Variants in TRHDE observed in about 807,000 individuals in gnomAD.
The protein encoded by TRHDE is thyrotropin releasing hormone degrading enzyme, also known as thyrotropin-releasing hormone-degrading ectoenzyme.
In TRHDE, 72 loss-of-function variants were observed where a neutral mutation model predicts 125.7. The observed-to-expected ratio is 0.57, with a 90% CI of 0.47 to 0.70. The LOEUF is 0.70. Among genes scored for constraint, TRHDE ranks in the 30% least tolerant of loss-of-function variants. TRHDE has a pLI of 0.00. For missense variants in TRHDE, 1,110 were observed against 1,327.1 expected (o/e 0.84, Z 2.54); for synonymous variants, 509 against 509.1 (o/e 1.00, Z 0.00).
intron 2 of TRHDE, among the ~76,000 whole-genome samples, chr12:72,135,597 G>C (rs1261764425): frequency 6.6e-6 from 1 of 151,562 alleles, no homozygotes; most frequent in Non-Finnish European, 1.5e-5. Context: ...AAAGGACTAG[G>C]GAAAAATGTA....
At chr12:72,443,939 G>A (rs903693667) in intron 3 of TRHDE, among the ~76,000 whole-genome samples, 4 of 151,804 alleles carry the variant, frequency 2.6e-5, no homozygotes, top group African/African-American at 7.2e-5. Context: ...TAAAGATTGT[G>A]TAATTCATCA....
At chr12:72,172,329 A>G (rs1187064191) in intron 2 of TRHDE, among the ~76,000 whole-genome samples, 1 of 152,236 alleles carries the variant, frequency 6.6e-6, no homozygotes, top group Non-Finnish European at 1.5e-5. Context: ...CATGCCAGAT[A>G]CAATTCTAAG....
At chr12:72,582,624 T>G (rs758825911) in intron 12 of TRHDE, 28 of 985,184 alleles carry the variant, frequency 2.8e-5, no homozygotes, top group Non-Finnish European at 3.4e-5. Flanking sequence ...TAGCAGTTTT[T>G]CCTGCTTTGA....
At chr12:72,287,970 A>G (rs905845502) in intron 2 of TRHDE, among the ~76,000 whole-genome samples, 5 of 151,752 alleles carry the variant, frequency 3.3e-5, no homozygotes, top group African/African-American at 1.2e-4. Flanking sequence ...TCAAATGAGT[A>G]AAGTAAATTG....
At chr12:72,402,616 G>A (rs1873090744) in intron 3 of TRHDE, among the ~76,000 whole-genome samples, 1 of 152,172 alleles carries the variant, frequency 6.6e-6, no homozygotes, top group African/African-American at 2.4e-5. Context: ...ATCATCTTAA[G>A]TTGATCCTGT....
intron 2 of TRHDE, among the ~76,000 whole-genome samples, chr12:72,318,729 C>A (rs1349502751): frequency 1.3e-5 from 2 of 151,314 alleles, no homozygotes; most frequent in East Asian, 3.9e-4. Flanking sequence ...TTTTTTTGTG[C>A]CTTAATATCC....
chr12:72,609,599 C>G (rs1872565869), intron 12 of TRHDE, among the ~76,000 whole-genome samples: 1 of 152,142 alleles, frequency 6.6e-6, no homozygotes, highest in Non-Finnish European at 1.5e-5. Context: ...TTTCAAACTT[C>G]AACCTCCTCC....
intron 3 of TRHDE, among the ~76,000 whole-genome samples, chr12:72,408,615 C>T (rs74103309): frequency 0.03 from 4,610 of 151,998 alleles, 144 homozygotes; most frequent in Admixed American, 0.098. Flanking sequence ...ATGATTATAG[C>T]CACAAGTTAT....
intron 3 of TRHDE, among the ~76,000 whole-genome samples, chr12:72,458,698 T>C (rs1416789325): frequency 1.3e-5 from 2 of 152,144 alleles, no homozygotes; most frequent in Non-Finnish European, 2.9e-5. Flanking sequence ...TTCAGTCATA[T>C]TGATCTAGTT....
At chr12:72,303,821 G>T (rs1171066506) in intron 2 of TRHDE, among the ~76,000 whole-genome samples, 1 of 152,168 alleles carries the variant, frequency 6.6e-6, no homozygotes, top group East Asian at 1.9e-4. Context: ...ACATGGCCAT[G>T]TGTCAAGCCA....
Position 72,663,395 on chromosome 12 carries a change from ACT to A in TRHDE, c.*201_*202del. 1 of 411,420 alleles carries A rather than the reference ACT, an allele frequency of 2.4e-6. No homozygotes were observed. Among genetic ancestry groups the A allele is most frequent in the Non-Finnish European group, 4.3e-6 (1 of 233,184 alleles). 25.5% of individuals were successfully genotyped at this position (411,420 alleles called of 1,614,324 possible). A position where few individuals can be genotyped will look rare whatever the true frequency, so the allele number is the denominator to read the frequency against. On this transcript the variant is annotated 3_prime_UTR_variant, in exon 19 of 19. Transcript: ENST00000261180. Reference sequence around the variant, plus strand: ...TTCATTCATTCTGTTCTGTTTCTCTACTGGGTGTTCCTCTCTAAAGAAACTCT... The same window carrying A: ...TTCATTCATTCTGTTCTGTTTCTCTAGGGTGTTCCTCTCTAAAGAAACTCT...
At chr12:72,528,632 G>A (rs915671333) in intron 6 of TRHDE, among the ~76,000 whole-genome samples, 2 of 152,034 alleles carry the variant, frequency 1.3e-5, no homozygotes, top group African/African-American at 4.8e-5. Flanking sequence ...AGGATTATAG[G>A]AGTGTACCAC....
chr12:72,543,758 T>C (rs1009160152), intron 7 of TRHDE, among the ~76,000 whole-genome samples: 5 of 150,122 alleles, frequency 3.3e-5, no homozygotes, highest in Non-Finnish European at 7.4e-5. Context: ...ATTGAATAAC[T>C]ACAGTTATAT....
At chr12:72,208,528 G>C (rs1877714293) in intron 2 of TRHDE, among the ~76,000 whole-genome samples, 1 of 152,164 alleles carries the variant, frequency 6.6e-6, no homozygotes, top group Non-Finnish European at 1.5e-5. Flanking sequence ...GTGGCAAACT[G>C]TTGTGCTTAG....
chr12:72,352,462 G>A (rs1261709121), intron 2 of TRHDE, among the ~76,000 whole-genome samples: 1 of 151,684 alleles, frequency 6.6e-6, no homozygotes, highest in African/African-American at 2.4e-5. Context: ...GCCTGGCTGT[G>A]ATACCCACTT....
upstream of TRHDE, among the ~76,000 whole-genome samples, chr12:72,269,046 A>T (rs2139400251): frequency 6.6e-6 from 1 of 152,196 alleles, no homozygotes; most frequent in South Asian, 2.1e-4. Context: ...ATAACACTGA[A>T]AGCAACCTTA....
In TRHDE at chr12:72,499,457, T is replaced by C. The variant is rs756348674; in HGVS notation, c.1585-41T>C. On this transcript the variant is annotated intron_variant, in intron 5 of 18. Transcript: ENST00000261180. ...ATGTCATCATATACATATGTCTAAC[T>C]ATGAATCACCTATGATATTGCCCCG... The C allele has an allele frequency of 1.9e-6, 3 of 1,602,924 alleles. No individual in the cohort carries two copies. In the East Asian group the frequency reaches 6.7e-5, roughly 36 times the overall value.
At chr12:72,365,047 A>T (rs1189525369) in intron 2 of TRHDE, among the ~76,000 whole-genome samples, 3 of 152,098 alleles carry the variant, frequency 2.0e-5, no homozygotes, top group African/African-American at 7.2e-5. Flanking sequence ...GACAGGATTA[A>T]CCAACTTTTT....
intron 2 of TRHDE, among the ~76,000 whole-genome samples, chr12:72,372,418 C>T (rs1367099124): frequency 6.6e-6 from 1 of 152,234 alleles, no homozygotes; most frequent in Admixed American, 6.5e-5. Context: ...TCAATTTTGG[C>T]TTTTGTTGCC....
Sources: gnomAD v4.1 joint callset for allele counts (sites outside exome capture counted in the v4.1 genomes callset) on GRCh38, gnomAD v4.1.1 for gene constraint, MANE v1.5 for transcripts, NCBI Gene and HGNC (gene_info 2026-07-23, HGNC 2026-07-21) for gene names.